The following PCDH15 variants were observed in gnomAD, a reference collection of about 807,000 sequenced individuals.
PCDH15 encodes protocadherin-15.
Under a neutral mutation model 178.5 loss-of-function variants are expected in PCDH15, and 129 were observed. That is an observed-to-expected ratio of 0.72 (90% CI 0.63 to 0.84). The LOEUF is 0.84. PCDH15 is among the 40% of genes least tolerant of loss of function. PCDH15 has a pLI of 0.00. For missense variants in PCDH15, 2,230 were observed against 2,099.9 expected, an observed-to-expected ratio of 1.06 and a Z score of -1.21; for synonymous variants, 800 against 732.0, an observed-to-expected ratio of 1.09 and a Z score of -1.50.
chr10:55,107,212 C>G (rs1164983763), intron 2 of PCDH15, among the ~76,000 whole-genome samples: 1 of 152,130 alleles, frequency 6.6e-6, no homozygotes, highest in African/African-American at 2.4e-5. Flanking sequence ...TGGAGATTAC[C>G]TTAGTTGTTA....
At chr10:54,037,556 A>T (rs965316009) in intron 18 of PCDH15, among the ~76,000 whole-genome samples, 6 of 29,790 alleles carry the variant, frequency 2.0e-4, no homozygotes, top group Admixed American at 1.5e-3. Context: ...ACACAATGCT[A>T]ATTGCAGTAT....
chr10:55,367,670 A>T (rs1287877114), intron 2 of PCDH15, among the ~76,000 whole-genome samples: 1 of 152,162 alleles, frequency 6.6e-6, no homozygotes, highest in Non-Finnish European at 1.5e-5. Flanking sequence ...AATGAGCAGA[A>T]GGCTTTCATA....
intron 2 of PCDH15, among the ~76,000 whole-genome samples, chr10:54,603,125 A>G (rs2092609682): frequency 6.6e-6 from 1 of 152,038 alleles, no homozygotes; most frequent in Non-Finnish European, 1.5e-5. Flanking sequence ...GTATCTTTCT[A>G]GGAATTTATG....
intron 8 of PCDH15, among the ~76,000 whole-genome samples, chr10:54,252,047 C>T (rs1489070326): frequency 6.6e-6 from 1 of 152,092 alleles, no homozygotes; most frequent in African/African-American, 2.4e-5. Context: ...GTGTTTGAAA[C>T]TGTGTATTAA....
At chr10:55,330,924 T>C (rs1844183878) in intron 2 of PCDH15, among the ~76,000 whole-genome samples, 1 of 151,578 alleles carries the variant, frequency 6.6e-6, no homozygotes, top group Non-Finnish European at 1.5e-5. Flanking sequence ...GTATTAATTT[T>C]GAGCTGTTGA....
chr10:54,152,154 T>C (rs988020106), intron 14 of PCDH15, among the ~76,000 whole-genome samples: 1 of 152,148 alleles, frequency 6.6e-6, no homozygotes, highest in African/African-American at 2.4e-5. Flanking sequence ...CTAAGATACA[T>C]CTCAAATACA....
At chr10:54,079,540 G>C in intron 16 of PCDH15, 116 bp from the exon 17 acceptor site, 2 of 928,106 alleles carry the variant, frequency 2.2e-6, no homozygotes, top group Non-Finnish European at 3.6e-6. Flanking sequence ...AGTAATCACA[G>C]CTTGAGTATT....
intron 1 of PCDH15, among the ~76,000 whole-genome samples, chr10:55,191,432 G>T (rs1483267469): frequency 1.3e-5 from 2 of 151,616 alleles, no homozygotes; most frequent in Admixed American, 1.3e-4. Flanking sequence ...ATCTTTTCTA[G>T]CATAATTTTG....
chr10:54,592,026 C>T (rs2091919455), intron 2 of PCDH15, among the ~76,000 whole-genome samples: 1 of 152,090 alleles, frequency 6.6e-6, no homozygotes, highest in Non-Finnish European at 1.5e-5. Flanking sequence ...CTATGACCTA[C>T]ACTTGAGGCT....
intron 2 of PCDH15, among the ~76,000 whole-genome samples, chr10:55,532,114 T>A (rs1841468470): frequency 6.6e-6 from 1 of 152,142 alleles, no homozygotes; most frequent in African/African-American, 2.4e-5. Context: ...AATATTTATT[T>A]ATCATAAAGA....
intron 2 of PCDH15, among the ~76,000 whole-genome samples, chr10:54,588,336 T>C (rs1238813327): frequency 6.6e-6 from 1 of 152,198 alleles, no homozygotes; most frequent in African/African-American, 2.4e-5. Flanking sequence ...AATGACAATA[T>C]ATTTGTTGGT....
At chr10:54,647,578 C>T (rs947735655) in intron 2 of PCDH15, among the ~76,000 whole-genome samples, 7 of 152,020 alleles carry the variant, frequency 4.6e-5, no homozygotes, top group Non-Finnish European at 1.0e-4. Context: ...GTGCCTGAGC[C>T]ATCTTTATGG....
At chr10:54,136,787 G>A (rs1396464335) in intron 14 of PCDH15, among the ~76,000 whole-genome samples, 1 of 152,218 alleles carries the variant, frequency 6.6e-6, no homozygotes, top group Non-Finnish European at 1.5e-5. Flanking sequence ...CAACATGACC[G>A]TCTCCTTGAT....
chr10:54,785,845 T>G (rs563369354), intron 1 of PCDH15, among the ~76,000 whole-genome samples: 2 of 152,092 alleles, frequency 1.3e-5, no homozygotes, highest in East Asian at 3.9e-4. Context: ...TATATCTTCA[T>G]CACCATCTAG....
chr10:54,541,499 G>T (rs1413179921), intron 2 of PCDH15, among the ~76,000 whole-genome samples: 1 of 151,940 alleles, frequency 6.6e-6, no homozygotes, highest in Non-Finnish European at 1.5e-5. Flanking sequence ...ACTCTTTTTT[G>T]ATACATACAG....
chr10:54,906,710 G>A (rs952812085), intron 2 of PCDH15, among the ~76,000 whole-genome samples: 8 of 152,078 alleles, frequency 5.3e-5, no homozygotes, highest in Admixed American at 2.6e-4. Context: ...AGGTAAGAGA[G>A]GTTCATTTAT....
At position 54,734,349 on chromosome 10, in the gene PCDH15, C is replaced by T. The variant is rs186844620; in HGVS notation, c.-29+66576G>A. Among the ~76,000 whole-genome samples the T allele has an allele frequency of 9.1e-4, 138 of 151,920 alleles. 4 individuals are homozygous for T. The highest frequency in any genetic ancestry group is 8.7e-3 in the Admixed American group (133 of 15,216). On this transcript the variant is annotated intron_variant, in intron 1 of 37. Coordinates refer to ENST00000644397, the MANE Select transcript of PCDH15 (RefSeq NM_001384140.1). Reference sequence around the variant, plus strand: ...ATTAGGGGCATGCAAATTGAAACCACATTATAATATTTTTTTAAAGGCTAA... The same window carrying T: ...ATTAGGGGCATGCAAATTGAAACCATATTATAATATTTTTTTAAAGGCTAA...
chr10:55,040,157 C>T (rs886533224), intron 2 of PCDH15, among the ~76,000 whole-genome samples: 3 of 152,070 alleles, frequency 2.0e-5, no homozygotes, highest in South Asian at 2.1e-4. Flanking sequence ...ATTTACAGAA[C>T]TAGAACTGTA....
chr10:55,481,748 T>G, intron 2 of PCDH15, among the ~76,000 whole-genome samples: 1 of 151,828 alleles, frequency 6.6e-6, no homozygotes, highest in Admixed American at 6.6e-5. Flanking sequence ...AGTGTTTTAC[T>G]TCCGATTATG....
Sources: gnomAD v4.1 joint callset for allele counts (sites outside exome capture counted in the v4.1 genomes callset) on GRCh38, gnomAD v4.1.1 for gene constraint, MANE v1.5 for transcripts, NCBI Gene and HGNC (gene_info 2026-07-23, HGNC 2026-07-21) for gene names.